Variants in PTPRN2 observed in about 807,000 individuals in gnomAD.
The protein encoded by PTPRN2 is receptor-type tyrosine-protein phosphatase N2.
A neutral mutation model predicts 118.8 loss-of-function variants in PTPRN2; 74 were observed. The observed-to-expected ratio is 0.62, with a 90% CI of 0.52 to 0.76. The LOEUF is 0.76. PTPRN2 is among the 30% of genes least tolerant of loss of function. PTPRN2 has a pLI of 0.00. For missense variants in PTPRN2, 1,481 were observed against 1,394.4 expected (o/e 1.06, Z -0.99); for synonymous variants, 641 against 608.0 (o/e 1.05, Z -0.80).
At chr7:157,730,922 A>T (rs1376282908) in intron 12 of PTPRN2, among the ~76,000 whole-genome samples, 3 of 152,002 alleles carry the variant, frequency 2.0e-5, no homozygotes, top group Non-Finnish European at 4.4e-5. Context: ...CTGCACTAGG[A>T]CTTTCCCCTT....
At chr7:158,071,432 C>CATG in intron 11 of PTPRN2, among the ~76,000 whole-genome samples, 1 of 40,064 alleles carries the variant, frequency 2.5e-5, no homozygotes, top group Non-Finnish European at 4.3e-5. Context: ...TGGAGGTGCT[C>CATG]GTGGTGGTGG....
At position 158,394,084 on chromosome 7, in the gene PTPRN2, T is replaced by C. The variant is rs549517260; in HGVS notation, c.164-77152A>G. ...GTGGCCCCCCTCTGTACCCCACAGATGCCTGGACCCTTCTCTCCCACAGAC... is the reference window on the plus strand; with the variant it reads ...GTGGCCCCCCTCTGTACCCCACAGACGCCTGGACCCTTCTCTCCCACAGAC... On this transcript the variant is annotated intron_variant, in intron 2 of 22. Transcript: ENST00000389418. Among the ~76,000 whole-genome samples, 7 of 135,330 alleles carry C rather than the reference T, an allele frequency of 5.2e-5. No homozygotes were observed. In the South Asian group the frequency reaches 1.6e-3, roughly 30 times the overall value. The allele number at this position is 135,330 out of a possible 152,430, so 88.8% of individuals were successfully genotyped here. A position where few individuals can be genotyped will look rare whatever the true frequency, so the allele number is the denominator to read the frequency against.
At position 158,083,248 on chromosome 7, in the gene PTPRN2, CAGG is replaced by C. The variant is rs1481684299; in HGVS notation, c.1644-1874_1644-1872del. Among the ~76,000 whole-genome samples the C allele has an allele frequency of 2.0e-5, 3 of 152,140 alleles. No individual in the cohort carries two copies. In the East Asian group the frequency reaches 5.8e-4, roughly 29 times the overall value. On this transcript the variant is annotated intron_variant, in intron 10 of 22. Coordinates refer to ENST00000389418, the MANE Select transcript of PTPRN2 (RefSeq NM_002847.5). The stretch of plus-strand genomic sequence containing the variant: ...GATTTCTGCCACGGCCTCACCCACG[CAGG>C]AGGTGATCAATTCATATTTGTGACC...
chr7:157,822,929 A>G (rs574617203), intron 12 of PTPRN2, among the ~76,000 whole-genome samples: 1 of 152,094 alleles, frequency 6.6e-6, no homozygotes, highest in African/African-American at 2.4e-5. Flanking sequence ...CCATCCATTT[A>G]TCTATATACT....
At chr7:158,365,928 G>A (rs1179710460) in intron 2 of PTPRN2, among the ~76,000 whole-genome samples, 6 of 136,916 alleles carry the variant, frequency 4.4e-5, no homozygotes, top group South Asian at 2.4e-4. Flanking sequence ...GCATCCCTGG[G>A]AGAAGCCACA....
chr7:157,716,158 C>T (rs990055614), intron 12 of PTPRN2, among the ~76,000 whole-genome samples: 7 of 151,956 alleles, frequency 4.6e-5, no homozygotes, highest in Admixed American at 6.5e-5. Context: ...CTGTGGGCAT[C>T]GCCTTGGGCT....
chr7:157,730,718 G>A (rs1201888802), intron 12 of PTPRN2, among the ~76,000 whole-genome samples: 4 of 152,134 alleles, frequency 2.6e-5, no homozygotes, highest in Non-Finnish European at 5.9e-5. Flanking sequence ...ACAGTGCACG[G>A]CCCGCCTAGG....
At chr7:157,797,135 C>G (rs987567962) in intron 12 of PTPRN2, among the ~76,000 whole-genome samples, 1 of 152,230 alleles carries the variant, frequency 6.6e-6, no homozygotes, top group Non-Finnish European at 1.5e-5. Flanking sequence ...CTGTGTCATC[C>G]CGGATTTATC....
chr7:158,387,228 T>C (rs1016794328), intron 2 of PTPRN2, among the ~76,000 whole-genome samples: 1 of 152,204 alleles, frequency 6.6e-6, no homozygotes. Context: ...TGGTACCACA[T>C]GGGAGACCAG....
rs190015504 is a variant in PTPRN2 at position 158,270,805 on chromosome 7, C to T, written c.277+46014G>A. 1.7e-3 allele frequency among the ~76,000 whole-genome samples: 38 copies of T among 21,798 alleles called. 1 individual carries two copies. The highest frequency in any genetic ancestry group is 4.1e-3 in the African/African-American group (18 of 4,382). 14.3% of individuals were successfully genotyped at this position (21,798 alleles called of 152,430 possible). On this transcript the variant is annotated intron_variant, in intron 3 of 22. Transcript: ENST00000389418. ...ACCACCCCTCCACCTGGACCACCCC[C>T]TCACCTGGACCGCCCCCTCCACCTG...
chr7:158,284,252 G>A (rs1175899856), intron 3 of PTPRN2, among the ~76,000 whole-genome samples: 2 of 152,190 alleles, frequency 1.3e-5, no homozygotes, highest in East Asian at 3.9e-4. Context: ...ACAGCTGGTG[G>A]GCACTGGGCA....
At chr7:157,932,331 T>C (rs1031266286) in intron 11 of PTPRN2, among the ~76,000 whole-genome samples, 84 of 152,346 alleles carry the variant, frequency 5.5e-4, no homozygotes, top group African/African-American at 1.9e-3. Context: ...AATGCCCACA[T>C]GAGGCCCTGC....
chr7:158,255,421 G>C (rs959955389), intron 3 of PTPRN2, among the ~76,000 whole-genome samples: 1 of 152,124 alleles, frequency 6.6e-6, no homozygotes, highest in Non-Finnish European at 1.5e-5. Flanking sequence ...GGGAACAAGA[G>C]GATCGGCCAC....
At chr7:158,000,005 G>C (rs1233073916) in intron 11 of PTPRN2, among the ~76,000 whole-genome samples, 2 of 151,978 alleles carry the variant, frequency 1.3e-5, no homozygotes, top group Non-Finnish European at 1.5e-5. Flanking sequence ...TGATGCCTCA[G>C]CCTCGCGAGA....
At chr7:158,454,580 A>ATGGTTG (rs1818330588) in intron 2 of PTPRN2, among the ~76,000 whole-genome samples, 1 of 150,172 alleles carries the variant, frequency 6.7e-6, no homozygotes, top group African/African-American at 2.5e-5. Flanking sequence ...AGGATTGGGG[A>ATGGTTG]CGGTTGCTAC....
intron 11 of PTPRN2, among the ~76,000 whole-genome samples, chr7:158,040,510 C>T (rs549979861): frequency 6.6e-6 from 1 of 152,266 alleles, no homozygotes; most frequent in African/African-American, 2.4e-5. Flanking sequence ...AAAAACCTTA[C>T]CTTACCCATA....
chr7:158,154,093 T>G (rs1821473004), intron 6 of PTPRN2, among the ~76,000 whole-genome samples: 2 of 152,184 alleles, frequency 1.3e-5, no homozygotes, highest in Admixed American at 1.3e-4. Flanking sequence ...ATGTTTGGTC[T>G]TGTGCCAGTG....
chr7:158,276,234 CACATCCCGGTCCTGGTA>C (rs1269426353), intron 3 of PTPRN2, among the ~76,000 whole-genome samples: 4 of 56,668 alleles, frequency 7.1e-5, no homozygotes, highest in African/African-American at 2.2e-4. Context: ...GTAGCACCCC[CACATCCCGGTCCTGGTA>C]GCACCCCCAC....
intron 2 of PTPRN2, among the ~76,000 whole-genome samples, chr7:158,419,404 A>ACTGCAAGAATTCCG (rs1563271158): frequency 0.047 from 116 of 2,482 alleles, 2 homozygotes; most frequent in African/African-American, 0.18. Flanking sequence ...CAAGAATTCC[A>ACTGCAAGAATTCCG]TCATTGCAAG....
Sources: gnomAD v4.1 joint callset for allele counts (sites outside exome capture counted in the v4.1 genomes callset) on GRCh38, gnomAD v4.1.1 for gene constraint, MANE v1.5 for transcripts, NCBI Gene and HGNC (gene_info 2026-07-23, HGNC 2026-07-21) for gene names.